KLHDC7A: variants seen among roughly 807,000 people sequenced by gnomAD.
KLHDC7A encodes the protein kelch domain containing 7A, also known as kelch domain-containing protein 7A.
For missense variants in KLHDC7A, 1,123 were observed against 1,052.6 expected, an observed-to-expected ratio of 1.07 and a Z score of -0.93; for synonymous variants, 464 against 461.0, an observed-to-expected ratio of 1.01 and a Z score of -0.08.
Position 18,483,142 on chromosome 1 carries a change from G to A in KLHDC7A, c.2161G>A (p.Val721Met), listed in dbSNP as rs1182315046. ...CCCGGATGCCTTCCAGTGCGCCGTG[G>A]TGGACAACCTCATCTACTGCGTGGG... ...PYPDAFQCAVVDNLIYCVGRR... is the reference protein window; with the variant it reads ...PYPDAFQCAVMDNLIYCVGRR... Residue 721 changes from valine (V) to methionine (M), a missense_variant, in exon 1 of 1, where the codon GTG (valine) becomes ATG (methionine). Coordinates refer to ENST00000400664, the MANE Select transcript of KLHDC7A (RefSeq NM_152375.3). 6.2e-7 allele frequency: 1 copy of A among 1,614,056 alleles called. No homozygotes were observed. Among genetic ancestry groups the A allele is most frequent in the Non-Finnish European group, 8.5e-7 (1 of 1,180,040 alleles).
chr1:18,481,088 G>A lies in KLHDC7A; in HGVS notation c.107G>A (p.Arg36Lys), dbSNP rs1463210565. 1 of 1,613,936 alleles carries A rather than the reference G, an allele frequency of 6.2e-7. No individual in the cohort carries two copies. The highest frequency in any genetic ancestry group is 2.2e-5 in the East Asian group (1 of 44,870). Reference protein sequence around the residue: ...AALLLVTVAYRLYKSRPAPAQ... With the variant: ...AALLLVTVAYKLYKSRPAPAQ... Reference sequence around the variant, plus strand: ...CTGCTCCTGGTGACTGTGGCCTACAGGCTGTACAAGTCGAGGCCTGCCCCA... The same window carrying A: ...CTGCTCCTGGTGACTGTGGCCTACAAGCTGTACAAGTCGAGGCCTGCCCCA... Residue 36 changes from arginine to lysine, a missense_variant, in exon 1 of 1, where the codon AGG becomes AAG. By Grantham distance (26) the Arg-to-Lys change is conservative. Coordinates refer to ENST00000400664, the MANE Select transcript of KLHDC7A (RefSeq NM_152375.3).
At position 18,482,989 on chromosome 1, in the gene KLHDC7A, G is replaced by C. The variant is rs148788482; in HGVS notation, c.2008G>C (p.Ala670Pro). The C allele has an allele frequency of 1.7e-5, 28 of 1,612,984 alleles. No homozygotes were observed. The Admixed American group carries it at 4.7e-4, about 27-fold the overall frequency. ...CACCGGGGGCAGCAAGGACCGCACG[G>C]CCGAGATGGTGGCGGTCAACGGCTT... is the stretch of plus-strand genomic sequence containing the variant. ...GPTGGSKDRTAEMVAVNGFLY... is the reference protein window; with the variant it reads ...GPTGGSKDRTPEMVAVNGFLY... Residue 670 changes from alanine to proline, a missense_variant, in exon 1 of 1, where the codon GCC (alanine) becomes CCC (proline). Coordinates refer to ENST00000400664, the MANE Select transcript of KLHDC7A (RefSeq NM_152375.3).
Position 18,483,481 on chromosome 1 carries a change from A to G in KLHDC7A, c.*166A>G, listed in dbSNP as rs1377412140. On this transcript the variant is annotated 3_prime_UTR_variant, in exon 1 of 1. Transcript: ENST00000400664. ...CCCTAGCTGGGGAGAGAGGGATCTTAGATGAGTCTTACCCTTCATGGGCTG... is the reference window on the plus strand; with the variant it reads ...CCCTAGCTGGGGAGAGAGGGATCTTGGATGAGTCTTACCCTTCATGGGCTG... The G allele has an allele frequency of 3.4e-6, 5 of 1,454,174 alleles. No homozygotes were observed. The highest frequency in any genetic ancestry group is 2.9e-5 in the African/African-American group (2 of 69,744). 90.1% of individuals were successfully genotyped at this position (1,454,174 alleles called of 1,614,324 possible).
rs1182091563 is a variant in KLHDC7A, at chr1:18,485,769, C to A, written c.*2454C>A. 1.2e-5 allele frequency: 2 copies of A among 166,630 alleles called. No individual in the cohort carries two copies. The highest frequency in any genetic ancestry group is 2.9e-5 in the Non-Finnish European group (2 of 68,084). The allele number at this position is 166,630 out of a possible 1,614,324, so 10.3% of individuals were successfully genotyped here. ...TAAGATGACACTTTAAAAATAAATT[C>A]TTTCCTAATGATGGCTTGAGTCCTG... On this transcript the variant is annotated 3_prime_UTR_variant, in exon 1 of 1. Transcript: ENST00000400664.
Position 18,484,031 on chromosome 1 carries a change from G to A in KLHDC7A, c.*716G>A. 2 of 1,304,208 alleles carry A rather than the reference G, an allele frequency of 1.5e-6. No individual in the cohort carries two copies. Among genetic ancestry groups the A allele is most frequent in the Non-Finnish European group, 2.0e-6 (2 of 988,892 alleles). The allele number at this position is 1,304,208 out of a possible 1,614,324, so 80.8% of individuals were successfully genotyped here. On this transcript the variant is annotated 3_prime_UTR_variant, in exon 1 of 1. Coordinates refer to ENST00000400664, the MANE Select transcript of KLHDC7A (RefSeq NM_152375.3). ...TTGTACCAAGCTATCTTCTGGTGGAGGTCTGCTAAGGATACACGGAGGTCT... is the reference window on the plus strand; with the variant it reads ...TTGTACCAAGCTATCTTCTGGTGGAAGTCTGCTAAGGATACACGGAGGTCT...
In KLHDC7A at chr1:18,481,071, G is replaced by A. The variant is rs1231595172; in HGVS notation, c.90G>A (p.Leu30=). The change falls in exon 1 of 1, where the codon CTG becomes CTA. Residue 30 remains leucine (L), a synonymous_variant. Coordinates refer to ENST00000400664, the MANE Select transcript of KLHDC7A (RefSeq NM_152375.3). ...KVVLSAAALL[L]VTVAYRLYKS... is the part of the protein sequence containing the mutation. ...TGCTGTCAGCCGCTGCCCTGCTCCT[G>A]GTGACTGTGGCCTACAGGCTGTACA... 4.3e-6 allele frequency: 7 copies of A among 1,613,906 alleles called. No individual in the cohort carries two copies. The South Asian group carries it at 6.6e-5, about 15-fold the overall frequency.
In KLHDC7A at chr1:18,484,113, A is replaced by G; in HGVS notation, c.*798A>G. On this transcript the variant is annotated 3_prime_UTR_variant, in exon 1 of 1. Coordinates refer to ENST00000400664, the MANE Select transcript of KLHDC7A (RefSeq NM_152375.3). ...GCCACCCTGCTCCTCGGCCCTGCCC[A>G]TGTTAACTGACCATTGCACTCATTC... 9.5e-7 allele frequency: 1 copy of G among 1,052,942 alleles called. No individual in the cohort carries two copies. Among genetic ancestry groups the G allele is most frequent in the Non-Finnish European group, 1.3e-6 (1 of 760,274 alleles). 65.2% of individuals were successfully genotyped at this position (1,052,942 alleles called of 1,614,324 possible).
chr1:18,481,161 A>C lies in KLHDC7A; in HGVS notation c.180A>C (p.Ala60=). 1 of 1,612,224 alleles carries C rather than the reference A, an allele frequency of 6.2e-7. No homozygotes were observed. Among genetic ancestry groups the C allele is most frequent in the East Asian group, 2.2e-5 (1 of 44,868 alleles). The change falls in exon 1 of 1, where the codon GCA becomes GCC. Residue 60 remains alanine, a synonymous_variant. Transcript: ENST00000400664. The stretch of plus-strand genomic sequence containing the variant: ...GCCAGGCAGAAGCCAAGGAGGAAGC[A>C]GAGGGCTCAGGGCAGCCTGCTGTAC... ...GNGQAEAKEE[A]EGSGQPAVQE...
In KLHDC7A at chr1:18,483,293, A is replaced by G; in HGVS notation, c.2312A>G (p.Asp771Gly). The G allele has an allele frequency of 6.2e-7, 1 of 1,613,010 alleles. No homozygotes were observed. Among genetic ancestry groups the G allele is most frequent in the East Asian group, 2.2e-5 (1 of 44,830 alleles). ...LPTVLTLPTPDLPQTRV is the reference protein window; with the variant it reads ...LPTVLTLPTPGLPQTRV ...ACCGTCCTGACCTTGCCCACCCCCG[A>G]TTTGCCTCAGACCAGGGTCTAGCAG... Residue 771 changes from aspartate to glycine, a missense_variant, in exon 1 of 1, where the codon GAT (aspartate) becomes GGT (glycine). Asp to Gly is a moderately conservative substitution (Grantham distance 94). Transcript: ENST00000400664.
chr1:18,481,003 G>A lies in KLHDC7A; in HGVS notation c.22G>A (p.Ala8Thr), dbSNP rs376432930. Residue 8 changes from alanine to threonine, a missense_variant, in exon 1 of 1, where the codon GCC becomes ACC. By Grantham distance (58) the Ala-to-Thr change is moderately conservative. Transcript: ENST00000400664. Reference protein sequence around the residue: MFPRGAEAQDWHLDMQLT... With the variant: MFPRGAETQDWHLDMQLT... ...AAGCATGTTCCCCAGAGGAGCAGAG[G>A]CCCAGGACTGGCATTTGGATATGCA... The A allele has an allele frequency of 6.2e-7, 1 of 1,603,986 alleles. No individual in the cohort carries two copies. The highest frequency in any genetic ancestry group is 1.3e-5 in the African/African-American group (1 of 74,850).
Position 18,481,989 on chromosome 1 carries a change from C to T in KLHDC7A, c.1008C>T (p.Ala336=), listed in dbSNP as rs202167464. Residue 336 remains alanine, a synonymous_variant, in exon 1 of 1, where the codon GCC becomes GCT. Transcript: ENST00000400664. ...LGTGAASGGQ[A]GDTKGAAERA... ...CAGGGGCTGCCTCGGGAGGCCAAGC[C>T]GGTGACACAAAGGGTGCAGCCGAAA... is the stretch of plus-strand genomic sequence containing the variant. 37 of 1,612,968 alleles carry T rather than the reference C, an allele frequency of 2.3e-5. No individual in the cohort carries two copies. In the South Asian group the frequency reaches 3.7e-4, roughly 16 times the overall value.
In KLHDC7A at chr1:18,482,201, T is replaced by C. The variant is rs1183772727; in HGVS notation, c.1220T>C (p.Val407Ala). ...GLGRSSREPHVQPVAGTNFFH... is the reference protein window; with the variant it reads ...GLGRSSREPHAQPVAGTNFFH... Reference sequence around the variant, plus strand: ...GGCAGAAGCAGCCGGGAGCCCCATGTGCAGCCGGTGGCCGGGACCAATTTC... The same window carrying C: ...GGCAGAAGCAGCCGGGAGCCCCATGCGCAGCCGGTGGCCGGGACCAATTTC... The change falls in exon 1 of 1, where the codon GTG becomes GCG. Residue 407 changes from valine (V) to alanine (A), a missense_variant. Transcript: ENST00000400664. 1.9e-6 allele frequency: 3 copies of C among 1,610,758 alleles called. No individual in the cohort carries two copies. Among genetic ancestry groups the C allele is most frequent in the Non-Finnish European group, 2.5e-6 (3 of 1,179,896 alleles).
Position 18,482,745 on chromosome 1 carries a change from C to A in KLHDC7A, c.1764C>A (p.Asp588Glu). 8.1e-6 allele frequency: 13 copies of A among 1,610,446 alleles called. No homozygotes were observed. The highest frequency in any genetic ancestry group is 1.7e-4 in the Middle Eastern group (1 of 6,058). Residue 588 changes from aspartate (D) to glutamate (E), a missense_variant, in exon 1 of 1, where the codon GAC (aspartate) becomes GAA (glutamate). By Grantham distance (45) the Asp-to-Glu change is conservative. Coordinates refer to ENST00000400664, the MANE Select transcript of KLHDC7A (RefSeq NM_152375.3). ...CGCACTGCCGGCTGGTGGCCCTGGA[C>A]GGGCACCTGTATGCCATCGGCGGAG... is the stretch of plus-strand genomic sequence containing the variant. The part of the protein sequence containing the change: ...ARPHCRLVAL[D>E]GHLYAIGGEC...
Position 18,484,734 on chromosome 1 carries a change from T to C in KLHDC7A, c.*1419T>C, listed in dbSNP as rs1169158538. On this transcript the variant is annotated 3_prime_UTR_variant, in exon 1 of 1. Transcript: ENST00000400664. ...CTGGTGCCCAGGCTGTGGGTCTTGT[T>C]GGAAGAAGCAGGACTGGAACAAAGG... is the stretch of plus-strand genomic sequence containing the variant. 6.0e-6 allele frequency: 1 copy of C among 167,088 alleles called. No homozygotes were observed. Among genetic ancestry groups the C allele is most frequent in the Non-Finnish European group, 1.5e-5 (1 of 68,258 alleles). The allele number at this position is 167,088 out of a possible 1,614,324, so 10.4% of individuals were successfully genotyped here. A position where few individuals can be genotyped will look rare whatever the true frequency, so the allele number is the denominator to read the frequency against.
Position 18,482,131 on chromosome 1 carries a change from C to G in KLHDC7A, c.1150C>G (p.Leu384Val), listed in dbSNP as rs774999876. The G allele has an allele frequency of 1.2e-6, 2 of 1,611,458 alleles. No individual in the cohort carries two copies. Among genetic ancestry groups the G allele is most frequent in the South Asian group, 1.1e-5 (1 of 90,998 alleles). ...GCAGCTGCAGCCAGATGGCTTCCGG[C>G]TCCCCGCTCCACCCTGCCCAGACCC... Reference protein sequence around the residue: ...ELQLQPDGFRLPAPPCPDPGA... With the variant: ...ELQLQPDGFRVPAPPCPDPGA... Residue 384 changes from leucine (L) to valine (V), a missense_variant, in exon 1 of 1, where the codon CTC becomes GTC. By Grantham distance (32) the Leu-to-Val change is conservative. Coordinates refer to ENST00000400664, the MANE Select transcript of KLHDC7A (RefSeq NM_152375.3).
In KLHDC7A at chr1:18,483,286, A is replaced by G. The variant is rs2086912107; in HGVS notation, c.2305A>G (p.Thr769Ala). ...TLLPTVLTLP[T>A]PDLPQTRV is the part of the protein sequence containing the mutation. ...CCTGCCCACCGTCCTGACCTTGCCC[A>G]CCCCCGATTTGCCTCAGACCAGGGT... Residue 769 changes from threonine to alanine, a missense_variant, in exon 1 of 1, where the codon ACC becomes GCC. Coordinates refer to ENST00000400664, the MANE Select transcript of KLHDC7A (RefSeq NM_152375.3). 1 of 1,612,316 alleles carries G rather than the reference A, an allele frequency of 6.2e-7. No homozygotes were observed. Among genetic ancestry groups the G allele is most frequent in the Non-Finnish European group, 8.5e-7 (1 of 1,179,684 alleles).
Position 18,482,017 on chromosome 1 carries a change from G to C in KLHDC7A, c.1036G>C (p.Ala346Pro), listed in dbSNP as rs1470665302. ...TGACACAAAGGGTGCAGCCGAAAGAGCCGCCTCCCCGCAGACAGGGCCGTG... is the reference window on the plus strand; with the variant it reads ...TGACACAAAGGGTGCAGCCGAAAGACCCGCCTCCCCGCAGACAGGGCCGTG... ...AGDTKGAAERAASPQTGPWPS... is the reference protein window; with the variant it reads ...AGDTKGAAERPASPQTGPWPS... Residue 346 changes from alanine to proline, a missense_variant, in exon 1 of 1, where the codon GCC (alanine) becomes CCC (proline). Physicochemically the swap from Ala to Pro is conservative, Grantham distance 27. Coordinates refer to ENST00000400664, the MANE Select transcript of KLHDC7A (RefSeq NM_152375.3). 6.2e-7 allele frequency: 1 copy of C among 1,612,822 alleles called. No individual in the cohort carries two copies. The highest frequency in any genetic ancestry group is 2.2e-5 in the East Asian group (1 of 44,852).
rs1185788855 is a variant in KLHDC7A at position 18,482,681 on chromosome 1, G to A, written c.1700G>A (p.Gly567Glu). ...SRVFCYNPLT[G>E]IWSEVCPLNQ... The stretch of plus-strand genomic sequence containing the variant: ...GTCTTCTGCTACAACCCGCTCACGG[G>A]GATCTGGAGCGAGGTGTGCCCGCTG... The change falls in exon 1 of 1, where the codon GGG (glycine) becomes GAG (glutamate). Residue 567 changes from glycine to glutamate, a missense_variant. Transcript: ENST00000400664. 1 of 1,609,364 alleles carries A rather than the reference G, an allele frequency of 6.2e-7. No individual in the cohort carries two copies. The highest frequency in any genetic ancestry group is 2.2e-5 in the East Asian group (1 of 44,814).
In KLHDC7A at chr1:18,484,778, T is replaced by G. The variant is rs569137200; in HGVS notation, c.*1463T>G. The G allele has an allele frequency of 6.0e-6, 1 of 167,214 alleles. No individual in the cohort carries two copies. The highest frequency in any genetic ancestry group is 2.1e-4 in the South Asian group (1 of 4,812). The allele number at this position is 167,214 out of a possible 1,614,324, so 10.4% of individuals were successfully genotyped here. ...ACAAAGGATGAAAAGGAGGTTGGCA[T>G]GGACATAAGAGGAGAGCTTGCACTG... On this transcript the variant is annotated 3_prime_UTR_variant, in exon 1 of 1. Transcript: ENST00000400664.
Sources: allele counts gnomAD v4.1 joint callset, GRCh38; gene constraint gnomAD v4.1.1; transcripts MANE v1.5; gene names NCBI Gene and HGNC (gene_info 2026-07-23, HGNC 2026-07-21).